The following PPP2R2C variants were observed in gnomAD, a reference collection of about 807,000 sequenced individuals.
PPP2R2C encodes protein phosphatase 2 regulatory subunit Bgamma.
PPP2R2C carries 10 observed loss-of-function variants against 45.3 expected under a neutral mutation model. That is an observed-to-expected ratio of 0.22 (90% CI 0.14 to 0.37). PPP2R2C has a LOEUF of 0.37. Among genes scored for constraint, PPP2R2C ranks in the 10% least tolerant of loss-of-function variants. The probability of loss-of-function intolerance (pLI) is 1.00; values close to 1 mark genes in which losing one functional copy is unlikely to be tolerated. For synonymous variants in PPP2R2C, 257 were observed against 245.4 expected (o/e 1.05, Z -0.44); for missense variants, 308 against 619.7 (o/e 0.50, Z 5.34).
intron 5 of PPP2R2C, among the ~76,000 whole-genome samples, chr4:6,354,793 C>T (rs564791285): frequency 2.0e-5 from 3 of 152,178 alleles, no homozygotes; most frequent in South Asian, 2.1e-4. Context: ...TGCGTGATTG[C>T]GAATCCAGCT....
intron 2 of PPP2R2C, among the ~76,000 whole-genome samples, chr4:6,532,553 G>T (rs1349881259): frequency 2.6e-5 from 4 of 152,168 alleles, no homozygotes; most frequent in Admixed American, 6.5e-5. Context: ...TAGAAAAGCG[G>T]GATTTGCCTT....
In PPP2R2C at chr4:6,563,446, C is replaced by T. The variant is rs963152317; in HGVS notation, c.-59+114G>A. The T allele has an allele frequency of 6.6e-6, 1 of 152,366 alleles. No individual in the cohort carries two copies. The highest frequency in any genetic ancestry group is 6.5e-5 in the Admixed American group (1 of 15,282). The allele number at this position is 152,366 out of a possible 1,614,324, so 9.4% of individuals were successfully genotyped here. On this transcript the variant is annotated intron_variant, in intron 1 of 9. Transcript: ENST00000506140. The surrounding 1 kb of genome is among the most constrained non-coding windows in gnomAD (Gnocchi z 5.8). ...CTCCTCCAGTCGCGGGAGTCCCGCA[C>T]CCGAGGGCCGCGTCCCCGGGCAGGG...
intron 1 of PPP2R2C, among the ~76,000 whole-genome samples, chr4:6,454,633 C>T (rs1012728978): frequency 6.6e-6 from 1 of 152,142 alleles, no homozygotes; most frequent in Non-Finnish European, 1.5e-5. Flanking sequence ...CAAGCTCTGC[C>T]CAAATTCCTG....
rs139190531 is a variant in PPP2R2C, at chr4:6,416,380, C to T, written c.71-35286G>A. On this transcript the variant is annotated intron_variant, in intron 1 of 8. Transcript: ENST00000382599. The stretch of plus-strand genomic sequence containing the variant: ...TTCGAACCCAGGTCTGACTCAAGGC[C>T]TCTTTCCACCATCCCGTGAAAATAC... Among the ~76,000 whole-genome samples the T allele has an allele frequency of 2.1e-3, 318 of 152,330 alleles. 1 individual carries two copies. Among genetic ancestry groups the T allele is most frequent in the African/African-American group, 6.2e-3 (259 of 41,574 alleles).
intron 1 of PPP2R2C, among the ~76,000 whole-genome samples, chr4:6,559,394 A>AGC (rs1725504116): frequency 1.6e-5 from 2 of 124,006 alleles, no homozygotes; most frequent in African/African-American, 2.9e-5. Context: ...AAAAATACAC[A>AGC]GCACACACAC....
chr4:6,428,550 C>T (rs1454287237), intron 1 of PPP2R2C, among the ~76,000 whole-genome samples: 1 of 152,210 alleles, frequency 6.6e-6, no homozygotes, highest in Non-Finnish European at 1.5e-5. Flanking sequence ...GCATTAGGGG[C>T]CAGGGCCTCC....
Position 6,502,127 on chromosome 4 carries a change from G to T in PPP2R2C, c.49+33144C>A, listed in dbSNP as rs150649208. On this transcript the variant is annotated intron_variant, in intron 2 of 9. Coordinates refer to the PPP2R2C transcript ENST00000506140. ...TTCTAGGGGATGAGGACGAATGGAT[G>T]CAATGTGTTTCTTTTCCATGTAAGA... is the stretch of plus-strand genomic sequence containing the variant. Among the ~76,000 whole-genome samples the T allele has an allele frequency of 3.5e-3, 538 of 152,296 alleles. 4 individuals are homozygous for T. The highest frequency in any genetic ancestry group is 8.7e-3 in the African/African-American group (361 of 41,556).
chr4:6,510,558 GCACA>G (rs1239199125), intron 2 of PPP2R2C, among the ~76,000 whole-genome samples: 5 of 152,216 alleles, frequency 3.3e-5, no homozygotes, highest in South Asian at 4.1e-4. Flanking sequence ...GCATGTGCAT[GCACA>G]CACAAACAGG....
In PPP2R2C at chr4:6,375,937, A is replaced by C. The variant is rs573115034; in HGVS notation, c.335-6T>G. 1 of 1,599,112 alleles carries C rather than the reference A, an allele frequency of 6.3e-7. No homozygotes were observed. The highest frequency in any genetic ancestry group is 8.6e-7 in the Non-Finnish European group (1 of 1,167,092). The stretch of plus-strand genomic sequence containing the variant: ...CCATAATTTGATAGTTTTATCTTTA[A>C]AAACAGAACAAAATAAAGCGAGTCA... On this transcript the variant is annotated splice_region_variant and splice_polypyrimidine_tract_variant and intron_variant, in intron 3 of 8. Coordinates refer to ENST00000382599, the MANE Select transcript of PPP2R2C (RefSeq NM_020416.4).
chr4:6,539,770 C>T (rs1005605335), intron 1 of PPP2R2C, among the ~76,000 whole-genome samples: 3 of 152,324 alleles, frequency 2.0e-5, no homozygotes, highest in African/African-American at 7.2e-5. Context: ...CGATTACCCT[C>T]GCTCAGCCTC....
intron 6 of PPP2R2C, among the ~76,000 whole-genome samples, chr4:6,346,258 C>T (rs956270008): frequency 3.3e-5 from 5 of 152,204 alleles, no homozygotes; most frequent in Non-Finnish European, 4.4e-5. Flanking sequence ...CAACCCACAG[C>T]TTCTCATTCT....
In PPP2R2C at chr4:6,504,032, G is replaced by A. The variant is rs939516012; in HGVS notation, c.49+31239C>T. Among the ~76,000 whole-genome samples the A allele has an allele frequency of 2.6e-5, 4 of 152,244 alleles. No individual in the cohort carries two copies. In the East Asian group the frequency reaches 7.7e-4, roughly 29 times the overall value. On this transcript the variant is annotated intron_variant, in intron 2 of 9. Transcript: ENST00000506140. ...ATGCTTTGTGGCAGTTGGCCTGAGA[G>A]CAGTCCTCCTCCTGCACCATTCAGA...
chr4:6,495,455 T>A (rs912364363), intron 2 of PPP2R2C, among the ~76,000 whole-genome samples: 4 of 151,924 alleles, frequency 2.6e-5, no homozygotes, highest in Admixed American at 1.3e-4. Context: ...TGGGGATGAG[T>A]GTGACAGCTG....
intron 2 of PPP2R2C, among the ~76,000 whole-genome samples, chr4:6,506,216 A>AT (rs1032762325): frequency 1.2e-4 from 18 of 152,038 alleles, no homozygotes; most frequent in Admixed American, 6.5e-4. Flanking sequence ...GGAGCAAGGG[A>AT]TTTTTTTCTG....
intron 1 of PPP2R2C, among the ~76,000 whole-genome samples, chr4:6,461,680 AG>A (rs60462676): frequency 0.28 from 42,178 of 152,042 alleles, 6,413 homozygotes; most frequent in East Asian, 0.42. Context: ...TATGACATCA[AG>A]CCCCTGGAAT....
chr4:6,483,270 T>C (rs1372407196), intron 2 of PPP2R2C, among the ~76,000 whole-genome samples: 3 of 152,214 alleles, frequency 2.0e-5, no homozygotes, highest in Admixed American at 2.0e-4. Context: ...TCTAGCAAGT[T>C]TGTACTAACA....
At chr4:6,499,749 T>A (rs1453676304) in intron 2 of PPP2R2C, among the ~76,000 whole-genome samples, 1 of 150,566 alleles carries the variant, frequency 6.6e-6, no homozygotes, top group Non-Finnish European at 1.5e-5. Context: ...ATAAACAGAA[T>A]GGACCATTGA....
At chr4:6,404,101 G>T (rs1167027734) in intron 1 of PPP2R2C, among the ~76,000 whole-genome samples, 2 of 152,176 alleles carry the variant, frequency 1.3e-5, no homozygotes, top group Admixed American at 6.5e-5. Flanking sequence ...CCCACCAGGA[G>T]AGTTGATGTC....
intron 2 of PPP2R2C, among the ~76,000 whole-genome samples, chr4:6,492,357 G>A (rs188625859): frequency 1.7e-3 from 257 of 152,356 alleles, no homozygotes; most frequent in African/African-American, 6.1e-3. Flanking sequence ...CACAGACAGG[G>A]AGGTCTGGTC....
Sources: gnomAD v4.1 joint callset for allele counts (sites outside exome capture counted in the v4.1 genomes callset) on GRCh38, gnomAD v4.1.1 for gene constraint, Gnocchi (gnomAD v3.1) non-coding constraint, MANE v1.5 for transcripts, NCBI Gene and HGNC (gene_info 2026-07-23, HGNC 2026-07-21) for gene names.